The following LRRK2 variants were observed in gnomAD, a reference collection of about 807,000 sequenced individuals.
The protein encoded by LRRK2 is leucine-rich repeat serine/threonine-protein kinase 2.
Under a neutral mutation model 302.6 loss-of-function variants are expected in LRRK2, and 203 were observed. That is an observed-to-expected ratio of 0.67 (90% CI 0.60 to 0.75). The LOEUF is 0.75. LRRK2 is among the 30% of genes least tolerant of loss of function. LRRK2 has a pLI of 0.00. For missense variants in LRRK2, 2,830 were observed against 2,951.0 expected (o/e 0.96, Z 0.95); for synonymous variants, 1,066 against 1,031.9 (o/e 1.03, Z -0.63).
chr12:40,270,617 AGCTTCATTTGTTTCTTGGATATTTTT>A (rs1943192329), intron 14 of LRRK2, among the ~76,000 whole-genome samples: 2 of 151,994 alleles, frequency 1.3e-5, no homozygotes, highest in Admixed American at 6.6e-5. Context: ...GTCTGAGGCC[AGCTTCATTTGTTTCTTGGATATTTTT>A]GCCCAGTGCT....
chr12:40,357,897 C>T (rs570052317), intron 46 of LRRK2, among the ~76,000 whole-genome samples: 5 of 151,382 alleles, frequency 3.3e-5, no homozygotes, highest in East Asian at 3.9e-4. Flanking sequence ...ATCAGCTTCA[C>T]GAGTAGCTGG....
chr12:40,271,971 T>C (rs1943246592), intron 14 of LRRK2, among the ~76,000 whole-genome samples: 2 of 152,144 alleles, frequency 1.3e-5, no homozygotes, highest in East Asian at 1.9e-4. Flanking sequence ...AGGACAGAGA[T>C]AGGTGCTTTA....
intron 14 of LRRK2, among the ~76,000 whole-genome samples, chr12:40,264,132 T>TG (rs1473721561): frequency 2.0e-5 from 3 of 152,174 alleles, no homozygotes; most frequent in Non-Finnish European, 4.4e-5. Flanking sequence ...AAGATTCTTT[T>TG]GATTGCCAGT....
At chr12:40,355,519 C>G (rs1213742279) in intron 45 of LRRK2, among the ~76,000 whole-genome samples, 1 of 49,272 alleles carries the variant, frequency 2.0e-5, no homozygotes, top group African/African-American at 4.8e-5. Context: ...CTCCCTCCCT[C>G]CCTCCCTCCC....
intron 40 of LRRK2, among the ~76,000 whole-genome samples, chr12:40,336,939 A>C (rs1222714458): frequency 1.3e-5 from 2 of 152,238 alleles, no homozygotes. Flanking sequence ...ACACTGTTCG[A>C]AACACCTTAT....
At chr12:40,236,627 C>G (rs1461524902) in intron 4 of LRRK2, among the ~76,000 whole-genome samples, 1 of 151,898 alleles carries the variant, frequency 6.6e-6, no homozygotes, top group African/African-American at 2.4e-5. Flanking sequence ...GGTGCAGAGG[C>G]CTGGGAGGAT....
chr12:40,367,485 T>C (rs1946914113), intron 50 of LRRK2, 159 bp from the exon 51 acceptor site: 1 of 559,688 alleles, frequency 1.8e-6, no homozygotes, highest in Non-Finnish European at 2.9e-6. Flanking sequence ...CTTTTCCAAG[T>C]ATAGTTTTTT....
chr12:40,318,981 T>C (rs1343452870), intron 33 of LRRK2, among the ~76,000 whole-genome samples: 1 of 152,078 alleles, frequency 6.6e-6, no homozygotes, highest in African/African-American at 2.4e-5. Context: ...AATACAGAAA[T>C]GGGTAAGACA....
chr12:40,232,198 A>C, intron 2 of LRRK2, 76 bp from the exon 3 acceptor site: 25 of 1,012,934 alleles, frequency 2.5e-5, no homozygotes, highest in Non-Finnish European at 3.8e-5. Context: ...CTAAGATTGA[A>C]GAGATTCATG....
intron 23 of LRRK2, among the ~76,000 whole-genome samples, chr12:40,297,386 G>A (rs548841446): frequency 6.6e-6 from 1 of 152,196 alleles, no homozygotes; most frequent in African/African-American, 2.4e-5. Context: ...TTGTTTGTTT[G>A]TTATTGTCAA....
chr12:40,299,165 A>G lies in LRRK2; in HGVS notation c.3404A>G (p.Asn1135Ser). ...PLRLKELKILNLSKNHISSLS... is the reference protein window; with the variant it reads ...PLRLKELKILSLSKNHISSLS... ...AGACTGAAGGAACTGAAGATTTTAAACCTTAGTAAGAACCACATTTCATCC... is the reference window on the plus strand; with the variant it reads ...AGACTGAAGGAACTGAAGATTTTAAGCCTTAGTAAGAACCACATTTCATCC... The change falls in exon 25 of 51, where the codon AAC becomes AGC. Residue 1135 changes from asparagine (N) to serine (S), a missense_variant. Coordinates refer to ENST00000298910, the MANE Select transcript of LRRK2 (RefSeq NM_198578.4). 1.2e-6 allele frequency: 2 copies of G among 1,613,558 alleles called. No individual in the cohort carries two copies. The highest frequency in any genetic ancestry group is 1.7e-6 in the Non-Finnish European group (2 of 1,179,800).
chr12:40,351,147 C>A (rs1413609846), intron 43 of LRRK2, among the ~76,000 whole-genome samples: 1 of 152,148 alleles, frequency 6.6e-6, no homozygotes, highest in Non-Finnish European at 1.5e-5. Context: ...GACTGAAATT[C>A]CTGTTCCTTT....
In LRRK2 at chr12:40,321,110, C is replaced by A. The variant is rs1389169436; in HGVS notation, c.5092C>A (p.Pro1698Thr). Residue 1698 changes from proline (P) to threonine (T), a missense_variant, in exon 35 of 51, where the codon CCT (proline) becomes ACT (threonine). Around this residue, in one of 3 missense-constraint regions of LRRK2, gnomAD observed 2,121 missense variants for 2,148.0 expected, o/e 0.99. Transcript: ENST00000298910. ...SEIIIRLYEM[P>T]YFPMGFWSRL... ...AATTATCATCCGACTATATGAAATG[C>A]CTTATTTTCCAATGGGATTTTGGTC... 1 of 1,612,670 alleles carries A rather than the reference C, an allele frequency of 6.2e-7. No homozygotes were observed. The highest frequency in any genetic ancestry group is 8.5e-7 in the Non-Finnish European group (1 of 1,179,034).
intron 40 of LRRK2, among the ~76,000 whole-genome samples, chr12:40,336,409 G>A (rs1176509668): frequency 6.6e-6 from 1 of 152,052 alleles, no homozygotes; most frequent in East Asian, 1.9e-4. Context: ...CTTATTTATT[G>A]TCTGTCTTGC....
chr12:40,274,159 A>G (rs1250501504), intron 14 of LRRK2, among the ~76,000 whole-genome samples: 1 of 152,196 alleles, frequency 6.6e-6, no homozygotes, highest in Non-Finnish European at 1.5e-5. Context: ...ATTTGTTAAG[A>G]GGCAGCATTG....
intron 27 of LRRK2, chr12:40,305,097 C>T (rs1339590524): frequency 6.6e-6 from 1 of 152,090 alleles, no homozygotes; most frequent in Non-Finnish European, 1.5e-5. Flanking sequence ...TTGTTTTGCT[C>T]CATTCTCTCT....
In LRRK2 at chr12:40,304,064, A is replaced by G; in HGVS notation, c.3707A>G (p.Asp1236Gly). Residue 1236 changes from aspartate (D) to glycine (G), a missense_variant, in exon 27 of 51, where the codon GAC (aspartate) becomes GGC (glycine). This residue lies in a region of LRRK2 where 2,121 missense variants were observed against 2,148.0 expected (regional missense o/e 0.99). Coordinates refer to ENST00000298910, the MANE Select transcript of LRRK2 (RefSeq NM_198578.4). ...LFSHNQISIL[D>G]LSEKAYLWSR... ...AGCCATAATCAGATCAGCATCTTGGACTTGAGTGAAAAAGCATATTTATGG... is the reference window on the plus strand; with the variant it reads ...AGCCATAATCAGATCAGCATCTTGGGCTTGAGTGAAAAAGCATATTTATGG... 1 of 1,613,738 alleles carries G rather than the reference A, an allele frequency of 6.2e-7. No homozygotes were observed. Among genetic ancestry groups the G allele is most frequent in the South Asian group, 1.1e-5 (1 of 91,070 alleles).
chr12:40,332,375 C>A (rs1004555119), intron 39 of LRRK2, among the ~76,000 whole-genome samples: 2 of 152,076 alleles, frequency 1.3e-5, no homozygotes, highest in African/African-American at 4.8e-5. Flanking sequence ...GGATTTCTTT[C>A]TTTTTTTGAG....
chr12:40,340,282 A>G lies in LRRK2; in HGVS notation c.5949-12A>G, dbSNP rs1168235268. ...CACATTTGAATAAGATTTCCTGTGC[A>G]TTTTCTGGCAGATACCTCCACTCAG... is the stretch of plus-strand genomic sequence containing the variant. On this transcript the variant is annotated splice_polypyrimidine_tract_variant and intron_variant, in intron 40 of 50. Transcript: ENST00000298910. 1 of 1,613,230 alleles carries G rather than the reference A, an allele frequency of 6.2e-7. No individual in the cohort carries two copies. Among genetic ancestry groups the G allele is most frequent in the East Asian group, 2.2e-5 (1 of 44,888 alleles).
Sources: allele counts gnomAD v4.1 joint callset (sites outside exome capture counted in the v4.1 genomes callset), GRCh38; gene constraint gnomAD v4.1.1; regional missense constraint gnomAD v4.1.1; transcripts MANE v1.5; gene names NCBI Gene and HGNC (gene_info 2026-07-23, HGNC 2026-07-21).